The following AGBL1 variants were observed in gnomAD, a reference collection of about 807,000 sequenced individuals.
AGBL1 encodes the protein AGBL carboxypeptidase 1.
In AGBL1, 130 loss-of-function variants were observed where a neutral mutation model predicts 118.9. That is an observed-to-expected ratio of 1.09 (90% CI 0.95 to 1.26). The LOEUF is 1.26. Among genes scored for constraint, AGBL1 ranks in the 50% most tolerant of loss-of-function variants. AGBL1 has a pLI of 0.00. For synonymous variants in AGBL1, 555 were observed against 478.9 expected, an observed-to-expected ratio of 1.16 and a Z score of -2.08; for missense variants, 1,584 against 1,298.1, an observed-to-expected ratio of 1.22 and a Z score of -3.38.
intron 17 of AGBL1, among the ~76,000 whole-genome samples, chr15:86,326,733 C>A (rs908392767): frequency 6.6e-6 from 1 of 151,962 alleles, no homozygotes; most frequent in Non-Finnish European, 1.5e-5. Flanking sequence ...TTTGAGCAAC[C>A]TTCTTAAATA....
Position 86,606,093 on chromosome 15 carries a change from C to T in AGBL1, c.2994+51556C>T, listed in dbSNP as rs1390290059. Among the ~76,000 whole-genome samples the T allele has an allele frequency of 3.1e-5, 4 of 129,370 alleles. No homozygotes were observed. In the Admixed American group the frequency reaches 3.8e-4, roughly 12 times the overall value. The allele number at this position is 129,370 out of a possible 152,430, so 84.9% of individuals were successfully genotyped here. Reference sequence around the variant, plus strand: ...AGTGAGCCAAGATGGTGCCACTGCACTCCAGCATGGGTGACAGAGCAAGAC... The same window carrying T: ...AGTGAGCCAAGATGGTGCCACTGCATTCCAGCATGGGTGACAGAGCAAGAC... On this transcript the variant is annotated intron_variant, in intron 21 of 22. Coordinates refer to ENST00000614907, the MANE Select transcript of AGBL1 (RefSeq NM_001386094.1).
chr15:86,914,997 G>C lies in AGBL1; in HGVS notation c.*7703G>C, dbSNP rs904620823. On this transcript the variant is annotated 3_prime_UTR_variant, in exon 23 of 23. Coordinates refer to ENST00000614907, the MANE Select transcript of AGBL1 (RefSeq NM_001386094.1). ...CCAAATTCCTAAACTTGATTATGCC[G>C]ATAGTAAACCGGCGTTGTTTGATTT... is the stretch of plus-strand genomic sequence containing the variant. 1.3e-5 allele frequency: 2 copies of C among 152,140 alleles called. No homozygotes were observed. The highest frequency in any genetic ancestry group is 2.9e-5 in the Non-Finnish European group (2 of 68,034). 9.4% of individuals were successfully genotyped at this position (152,140 alleles called of 1,614,324 possible).
At chr15:86,205,950 G>T (rs1008694437) in intron 5 of AGBL1, among the ~76,000 whole-genome samples, 1 of 152,078 alleles carries the variant, frequency 6.6e-6, no homozygotes, top group East Asian at 1.9e-4. Flanking sequence ...TTTACATTAG[G>T]TATTTCTCCT....
At chr15:86,718,678 T>G (rs2086673368) in intron 22 of AGBL1, among the ~76,000 whole-genome samples, 1 of 151,992 alleles carries the variant, frequency 6.6e-6, no homozygotes, top group African/African-American at 2.4e-5. Context: ...GTTGGAGTTA[T>G]GAAGGGAAAA....
intron 22 of AGBL1, among the ~76,000 whole-genome samples, chr15:86,696,496 G>A (rs770638760): frequency 2.6e-5 from 4 of 151,500 alleles, no homozygotes; most frequent in Admixed American, 6.6e-5. Context: ...TGAGTCTCTC[G>A]GAGGCAGCAG....
chr15:86,764,904 C>T (rs1016853440), intron 22 of AGBL1, among the ~76,000 whole-genome samples: 2 of 151,986 alleles, frequency 1.3e-5, no homozygotes, highest in African/African-American at 4.8e-5. Context: ...TATTTCTAGA[C>T]AATGATAAAG....
At chr15:86,744,716 C>A (rs1243565742) in intron 22 of AGBL1, among the ~76,000 whole-genome samples, 1 of 152,116 alleles carries the variant, frequency 6.6e-6, no homozygotes, top group Non-Finnish European at 1.5e-5. Flanking sequence ...AGTCCTGAGA[C>A]TAATATGGGA....
intron 23 of AGBL1, among the ~76,000 whole-genome samples, chr15:86,968,075 T>G (rs528327386): frequency 8.2e-4 from 125 of 152,086 alleles, no homozygotes; most frequent in Middle Eastern, 3.4e-3. Context: ...AGGTTCTCTT[T>G]TATGTTGCAG....
chr15:86,474,818 C>A (rs2082532148), intron 18 of AGBL1, among the ~76,000 whole-genome samples: 1 of 152,234 alleles, frequency 6.6e-6, no homozygotes, highest in South Asian at 2.1e-4. Flanking sequence ...AACTGGGAGG[C>A]ACCCCCCAGT....
chr15:86,554,049 G>A (rs375024858), intron 20 of AGBL1, among the ~76,000 whole-genome samples: 12 of 151,758 alleles, frequency 7.9e-5, no homozygotes, highest in South Asian at 2.1e-4. Context: ...TTAGTAAGAC[G>A]GGGTTTCACC....
chr15:86,444,503 G>C (rs11857000), intron 18 of AGBL1, among the ~76,000 whole-genome samples: 48,169 of 152,038 alleles, frequency 0.32, 9,992 homozygotes, highest in African/African-American at 0.59. Flanking sequence ...TTCACTACAG[G>C]GTAGTGTGAG....
At chr15:86,137,860 A>T (rs952155358) in intron 1 of AGBL1, among the ~76,000 whole-genome samples, 1 of 152,216 alleles carries the variant, frequency 6.6e-6, no homozygotes, top group Non-Finnish European at 1.5e-5. Flanking sequence ...AAGTGTGTGC[A>T]GCATATGATG....
intron 24 of AGBL1, among the ~76,000 whole-genome samples, chr15:86,989,273 T>C (rs2081314500): frequency 6.6e-6 from 1 of 152,164 alleles, no homozygotes; most frequent in Non-Finnish European, 1.5e-5. Context: ...AGTGCTGGGA[T>C]TACAGGCATG....
chr15:86,407,403 C>A (rs933705132), intron 18 of AGBL1, among the ~76,000 whole-genome samples: 1 of 152,140 alleles, frequency 6.6e-6, no homozygotes, highest in Non-Finnish European at 1.5e-5. Flanking sequence ...GACAATCATC[C>A]TGGTGTCTTT....
intron 22 of AGBL1, among the ~76,000 whole-genome samples, chr15:86,693,830 A>G (rs1452980883): frequency 6.6e-6 from 1 of 152,126 alleles, no homozygotes; most frequent in Non-Finnish European, 1.5e-5. Flanking sequence ...CCAATTATCC[A>G]GCACCATTTG....
rs541335873 is a variant in AGBL1, at chr15:86,444,384, A to G, written c.2555+46838A>G. Among the ~76,000 whole-genome samples the G allele has an allele frequency of 1.5e-3, 224 of 152,282 alleles. 6 individuals are homozygous for G. The South Asian group carries it at 0.045, about 30-fold the overall frequency. On this transcript the variant is annotated intron_variant, in intron 18 of 22. Transcript: ENST00000614907. ...GAGAAGAAGAGCTGGGGTTAGCCCT[A>G]CCTGGATTCACTCAGCTATTGCATG...
intron 22 of AGBL1, among the ~76,000 whole-genome samples, chr15:86,687,375 A>G (rs987188839): frequency 5.3e-5 from 8 of 152,032 alleles, no homozygotes; most frequent in African/African-American, 1.9e-4. Context: ...CTTGCCTGAA[A>G]GCTAATTAGA....
intron 22 of AGBL1, among the ~76,000 whole-genome samples, chr15:86,865,083 T>C (rs749608201): frequency 3.4e-4 from 52 of 152,304 alleles, no homozygotes; most frequent in Non-Finnish European, 5.9e-4. Flanking sequence ...CTAAGAGTGC[T>C]GATCCATCGT....
At chr15:86,560,229 G>A (rs1167229379) in intron 21 of AGBL1, among the ~76,000 whole-genome samples, 5 of 151,698 alleles carry the variant, frequency 3.3e-5, no homozygotes, top group African/African-American at 1.2e-4. Flanking sequence ...CCATGTTGGT[G>A]TGCTACACCC....
Sources: allele counts gnomAD v4.1 joint callset (sites outside exome capture counted in the v4.1 genomes callset), GRCh38; gene constraint gnomAD v4.1.1; transcripts MANE v1.5; gene names NCBI Gene and HGNC (gene_info 2026-07-23, HGNC 2026-07-21).